DLG2: variants seen among roughly 807,000 people sequenced by gnomAD.
DLG2 encodes disks large homolog 2.
In DLG2, 45 loss-of-function variants were observed where a neutral mutation model predicts 132.5. The ratio of observed to expected loss-of-function variants is 0.34; its 90% CI spans 0.27 to 0.44. The LOEUF is 0.44. Among genes scored for constraint, DLG2 ranks in the 20% least tolerant of loss-of-function variants. The pLI is 1.00. For missense variants in DLG2, 1,045 were observed against 1,196.9 expected (o/e 0.87, Z 1.87); for synonymous variants, 424 against 419.6 (o/e 1.01, Z -0.13).
At chr11:84,943,153 C>CGTGT (rs148197793) in intron 6 of DLG2, among the ~76,000 whole-genome samples, 2 of 136,362 alleles carry the variant, frequency 1.5e-5, no homozygotes, top group African/African-American at 5.7e-5. Flanking sequence ...ATTTTTGGGT[C>CGTGT]GTGTGTGTGT....
At chr11:85,502,251 C>T (rs143497090) in intron 3 of DLG2, among the ~76,000 whole-genome samples, 3,473 of 151,882 alleles carry the variant, frequency 0.023, 123 homozygotes, top group African/African-American at 0.078. Context: ...GGGAACATCA[C>T]ACACCAGGAC....
intron 3 of DLG2, among the ~76,000 whole-genome samples, chr11:85,455,674 TC>T (rs1267454282): frequency 8.5e-5 from 13 of 152,290 alleles, no homozygotes; most frequent in African/African-American, 2.4e-4. Flanking sequence ...CACAGATGGC[TC>T]TTATTATTTT....
At chr11:85,230,116 C>A (rs1233685814) in intron 4 of DLG2, among the ~76,000 whole-genome samples, 3 of 152,038 alleles carry the variant, frequency 2.0e-5, no homozygotes, top group Non-Finnish European at 4.4e-5. Context: ...TATCCCAGAA[C>A]TTAAAGTATT....
chr11:84,005,364 C>T (rs2154054289), intron 11 of DLG2, among the ~76,000 whole-genome samples: 1 of 152,026 alleles, frequency 6.6e-6, no homozygotes, highest in Middle Eastern at 3.4e-3. Flanking sequence ...AGATTAAAGC[C>T]TTAAATGGAA....
chr11:84,589,306 C>T (rs1002541931), intron 6 of DLG2, among the ~76,000 whole-genome samples: 1 of 152,062 alleles, frequency 6.6e-6, no homozygotes, highest in African/African-American at 2.4e-5. Context: ...GGATTCTCAG[C>T]TTTGCTAATG....
intron 6 of DLG2, among the ~76,000 whole-genome samples, chr11:84,551,202 C>G (rs1011383048): frequency 3.9e-5 from 6 of 152,124 alleles, no homozygotes; most frequent in African/African-American, 1.4e-4. Context: ...AATGTTTCCT[C>G]AAATAAGGTT....
chr11:85,201,468 G>A (rs1467341302), intron 4 of DLG2, among the ~76,000 whole-genome samples: 3 of 151,870 alleles, frequency 2.0e-5, no homozygotes, highest in Non-Finnish European at 2.9e-5. Context: ...TGACTTAGGT[G>A]TTCCCCAGGT....
chr11:85,105,178 T>C (rs1487582922), intron 6 of DLG2, among the ~76,000 whole-genome samples: 1 of 151,956 alleles, frequency 6.6e-6, no homozygotes, highest in Non-Finnish European at 1.5e-5. Context: ...TTTTATTTCC[T>C]GTGTAGGTTT....
In DLG2 at chr11:85,439,893, A is replaced by G. The variant is rs139019125; in HGVS notation, c.41-154528T>C. 1.8e-3 allele frequency among the ~76,000 whole-genome samples: 272 copies of G among 152,306 alleles called. 1 individual carries two copies. Among genetic ancestry groups the G allele is most frequent in the Non-Finnish European group, 3.0e-3 (202 of 68,022 alleles). ...TGGATATTAGAAAGGAAGAGAATAT[A>G]AAGTATAGATTAGTGCCATTTTTGC... On this transcript the variant is annotated intron_variant, in intron 3 of 27. Transcript: ENST00000376104.
At chr11:85,201,516 G>A (rs566509178) in intron 4 of DLG2, among the ~76,000 whole-genome samples, 32 of 152,206 alleles carry the variant, frequency 2.1e-4, no homozygotes, top group African/African-American at 5.3e-4. Context: ...CAAAGCCCAC[G>A]CAAGACACAT....
intron 16 of DLG2, among the ~76,000 whole-genome samples, chr11:83,862,609 G>GT (rs1479869964): frequency 1.9e-4 from 29 of 151,994 alleles, no homozygotes; most frequent in Non-Finnish European, 4.1e-4. Flanking sequence ...TAATTGGATT[G>GT]TTTGTAACAT....
At chr11:84,168,560 T>C (rs900030878) in intron 8 of DLG2, among the ~76,000 whole-genome samples, 1 of 152,160 alleles carries the variant, frequency 6.6e-6, no homozygotes, top group African/African-American at 2.4e-5. Flanking sequence ...ATGCAGCATA[T>C]ATTACAGTGG....
At chr11:85,367,946 A>G (rs1169192489) in intron 3 of DLG2, among the ~76,000 whole-genome samples, 1 of 152,294 alleles carries the variant, frequency 6.6e-6, no homozygotes, top group East Asian at 1.9e-4. Context: ...TTTAAACTAT[A>G]TTCATAAATG....
At chr11:85,061,751 T>C (rs2064161265) in intron 6 of DLG2, among the ~76,000 whole-genome samples, 1 of 151,914 alleles carries the variant, frequency 6.6e-6, no homozygotes, top group Non-Finnish European at 1.5e-5. Flanking sequence ...TTTTTCTCAT[T>C]TTTATTTTAG....
At chr11:84,463,353 C>G (rs893073356) in intron 7 of DLG2, among the ~76,000 whole-genome samples, 1 of 151,032 alleles carries the variant, frequency 6.6e-6, no homozygotes, top group Admixed American at 6.6e-5. Context: ...TCAGGAATAT[C>G]AGAGAAGTTT....
chr11:83,849,957 T>A (rs1351687487), intron 16 of DLG2, among the ~76,000 whole-genome samples: 1 of 152,024 alleles, frequency 6.6e-6, no homozygotes, highest in Non-Finnish European at 1.5e-5. Flanking sequence ...TTGAAGGGCC[T>A]AGGGTTTCAA....
chr11:85,012,059 T>C (rs1009199017), intron 6 of DLG2, among the ~76,000 whole-genome samples: 2 of 152,104 alleles, frequency 1.3e-5, no homozygotes, highest in South Asian at 4.2e-4. Context: ...CAGTGGCTCA[T>C]GCCTGTAATC....
chr11:84,008,923 GT>G (rs548165150), intron 11 of DLG2, among the ~76,000 whole-genome samples: 2,141 of 138,486 alleles, frequency 0.015, 35 homozygotes, highest in African/African-American at 0.051. Context: ...ATTTTTTCTT[GT>G]TTTTTTTTTT....
intron 6 of DLG2, among the ~76,000 whole-genome samples, chr11:84,663,380 C>G (rs1366052900): frequency 1.3e-5 from 2 of 151,980 alleles, no homozygotes; most frequent in Non-Finnish European, 2.9e-5. Flanking sequence ...CTGTCCTGGG[C>G]TCCAAGAGTG....
Sources: gnomAD v4.1 joint callset for allele counts (sites outside exome capture counted in the v4.1 genomes callset) on GRCh38, gnomAD v4.1.1 for gene constraint, MANE v1.5 for transcripts, NCBI Gene and HGNC (gene_info 2026-07-23, HGNC 2026-07-21) for gene names.